Variants in DGKB observed in about 807,000 individuals in gnomAD.
DGKB encodes the protein 90 kDa diacylglycerol kinase.
A neutral mutation model predicts 114.3 loss-of-function variants in DGKB; 67 were observed. The ratio of observed to expected loss-of-function variants is 0.59; its 90% confidence interval spans 0.48 to 0.72. The LOEUF (loss-of-function observed/expected upper bound fraction) is 0.72, where lower values mean the gene tolerates loss of function less well. Among genes scored for constraint, DGKB ranks in the 30% least tolerant of loss-of-function variants. The pLI, the probability that DGKB is intolerant of heterozygous loss-of-function variation, is 0.00. For missense variants in DGKB, 907 were observed against 975.2 expected (o/e 0.93, Z 0.93); for synonymous variants, 398 against 323.1 (o/e 1.23, Z -2.49).
chr7:14,824,609 T>C (rs1204942233), intron 2 of DGKB, among the ~76,000 whole-genome samples: 2 of 152,140 alleles, frequency 1.3e-5, no homozygotes, highest in African/African-American at 4.8e-5. Flanking sequence ...TAGCCTAGAC[T>C]TAAAGAAATA....
chr7:14,635,590 T>C (rs1232866291), intron 13 of DGKB, among the ~76,000 whole-genome samples: 2 of 151,630 alleles, frequency 1.3e-5, no homozygotes, highest in African/African-American at 4.8e-5. Context: ...CATTTCAAAA[T>C]GAAACATGCA....
chr7:14,911,490 T>C (rs748435100), intron 1 of DGKB, among the ~76,000 whole-genome samples: 3 of 152,138 alleles, frequency 2.0e-5, no homozygotes, highest in Non-Finnish European at 2.9e-5. Flanking sequence ...GTTTTTTTCC[T>C]CCCACTATGG....
chr7:14,299,926 A>G (rs1585010105), intron 23 of DGKB, among the ~76,000 whole-genome samples: 2 of 152,062 alleles, frequency 1.3e-5, no homozygotes, highest in African/African-American at 4.8e-5. Flanking sequence ...AAAAAATACA[A>G]AAAAGCAAAA....
chr7:14,465,766 G>A (rs1780371047), intron 21 of DGKB, among the ~76,000 whole-genome samples: 1 of 152,098 alleles, frequency 6.6e-6, no homozygotes, highest in Non-Finnish European at 1.5e-5. Flanking sequence ...GAAAGAAGAG[G>A]TAAATTGAGG....
intron 20 of DGKB, among the ~76,000 whole-genome samples, chr7:14,506,528 T>C (rs776848828): frequency 2.3e-4 from 35 of 152,150 alleles, no homozygotes; most frequent in Non-Finnish European, 4.6e-4. Context: ...AAGCAAGTCA[T>C]TTAATCTCTC....
At chr7:14,159,144 C>G (rs1433643819) in intron 25 of DGKB, among the ~76,000 whole-genome samples, 1 of 152,040 alleles carries the variant, frequency 6.6e-6, no homozygotes, top group Non-Finnish European at 1.5e-5. Context: ...ATGAGGGCTC[C>G]CAGGTCCTGC....
intron 15 of DGKB, among the ~76,000 whole-genome samples, chr7:14,615,433 G>A (rs1028192115): frequency 6.6e-6 from 1 of 151,668 alleles, no homozygotes; most frequent in Non-Finnish European, 1.5e-5. Context: ...TCAAGTAAAG[G>A]GGAATTAAAA....
chr7:14,342,674 A>G (rs1277537643), intron 22 of DGKB, among the ~76,000 whole-genome samples: 1 of 151,896 alleles, frequency 6.6e-6, no homozygotes, highest in African/African-American at 2.4e-5. Context: ...TATCTCTGCA[A>G]TGGAGATATA....
At chr7:14,862,213 C>T (rs555487729) in intron 1 of DGKB, among the ~76,000 whole-genome samples, 131 of 152,084 alleles carry the variant, frequency 8.6e-4, no homozygotes, top group African/African-American at 3.0e-3. Context: ...ATTTGATATG[C>T]ATACACATAG....
chr7:14,926,136 T>C (rs939218676), intron 1 of DGKB, among the ~76,000 whole-genome samples: 2 of 152,074 alleles, frequency 1.3e-5, no homozygotes, highest in African/African-American at 4.8e-5. Flanking sequence ...TTTGCATCTA[T>C]TAATATAATC....
chr7:14,900,079 G>A (rs531741254), intron 1 of DGKB, among the ~76,000 whole-genome samples: 1 of 152,270 alleles, frequency 6.6e-6, no homozygotes, highest in Non-Finnish European at 1.5e-5. Context: ...ATGTGCAACT[G>A]CTGCACTCAA....
intron 1 of DGKB, among the ~76,000 whole-genome samples, chr7:14,956,420 A>T (rs192284117): frequency 2.6e-4 from 40 of 152,148 alleles, no homozygotes; most frequent in African/African-American, 9.4e-4. Flanking sequence ...TTAATAAATT[A>T]AAGTTTTGGT....
At position 14,854,442 on chromosome 7, in the gene DGKB, G is replaced by A. The variant is rs186619159; in HGVS notation, c.-187-12992C>T. On this transcript the variant is annotated intron_variant, in intron 1 of 25. Coordinates refer to ENST00000402815, the MANE Select transcript of DGKB (RefSeq NM_001350709.2). ...GAAAGACAATTTTTCCATGGACGAG[G>A]GGTGGAGGCAGGTGGTTATGGAGTG... 2.8e-3 allele frequency among the ~76,000 whole-genome samples: 428 copies of A among 152,274 alleles called. 4 individuals are homozygous for A. The highest frequency in any genetic ancestry group is 0.021 in the South Asian group (103 of 4,822).
At chr7:14,188,861 G>C (rs1192487870) in intron 23 of DGKB, among the ~76,000 whole-genome samples, 2 of 151,998 alleles carry the variant, frequency 1.3e-5, no homozygotes, top group East Asian at 1.9e-4. Context: ...CTTAAAGCTG[G>C]TAGAGAATGG....
intron 2 of DGKB, among the ~76,000 whole-genome samples, chr7:14,759,371 C>T (rs79396525): frequency 0.09 from 13,704 of 152,164 alleles, 793 homozygotes; most frequent in East Asian, 0.24. Context: ...ATTTTCATCA[C>T]CCTGTAAAGA....
chr7:14,437,048 A>T (rs1194539795), intron 21 of DGKB, among the ~76,000 whole-genome samples: 1 of 151,954 alleles, frequency 6.6e-6, no homozygotes, highest in East Asian at 1.9e-4. Flanking sequence ...CTTTCTGCTT[A>T]TTTATGTGTT....
At chr7:14,877,743 T>C (rs545810648) in intron 1 of DGKB, among the ~76,000 whole-genome samples, 18 of 152,324 alleles carry the variant, frequency 1.2e-4, no homozygotes, top group Admixed American at 3.3e-4. Flanking sequence ...TTTACCAAGT[T>C]GACTTCAAAT....
chr7:14,778,078 T>G (rs1453477049), intron 2 of DGKB, among the ~76,000 whole-genome samples: 4 of 152,224 alleles, frequency 2.6e-5, no homozygotes, highest in Admixed American at 2.0e-4. Context: ...TTAGTAAATT[T>G]TCTGACTTAC....
intron 2 of DGKB, among the ~76,000 whole-genome samples, chr7:14,825,430 C>A (rs751031952): frequency 4.6e-5 from 7 of 152,076 alleles, no homozygotes; most frequent in Non-Finnish European, 8.8e-5. Flanking sequence ...ACTGGATGGT[C>A]CCATTGGGGA....
Sources: allele counts gnomAD v4.1 joint callset (sites outside exome capture counted in the v4.1 genomes callset), GRCh38; gene constraint gnomAD v4.1.1; transcripts MANE v1.5; gene names NCBI Gene and HGNC (gene_info 2026-07-23, HGNC 2026-07-21).